The following AVL9 variants were observed in gnomAD, a reference collection of about 807,000 sequenced individuals.
AVL9 encodes the protein AVL9 cell migration associated, also known as late secretory pathway protein AVL9 homolog.
AVL9 carries 49 observed loss-of-function variants against 79.2 expected under a neutral mutation model. That is an observed-to-expected ratio of 0.62 (90% CI 0.49 to 0.79). AVL9 has a LOEUF of 0.79. Ranked by LOEUF, AVL9 falls within the 30% of genes least tolerant of loss-of-function variation. AVL9 has a pLI of 0.00. For missense variants in AVL9, 682 were observed against 776.8 expected (o/e 0.88, Z 1.45); for synonymous variants, 299 against 280.6 (o/e 1.07, Z -0.65).
In AVL9 at chr7:32,558,917, T is replaced by C; in HGVS notation, c.680-12T>C. The C allele has an allele frequency of 1.3e-6, 2 of 1,554,436 alleles. No homozygotes were observed. The highest frequency in any genetic ancestry group is 1.7e-6 in the Non-Finnish European group (2 of 1,154,690). ...TATAAGCCAAGCTGTTCTTTGATATTGCATATTTTAGGCATGATTGAACAT... is the reference window on the plus strand; with the variant it reads ...TATAAGCCAAGCTGTTCTTTGATATCGCATATTTTAGGCATGATTGAACAT... On this transcript the variant is annotated splice_polypyrimidine_tract_variant and intron_variant, in intron 9 of 15. Coordinates refer to ENST00000318709, the MANE Select transcript of AVL9 (RefSeq NM_015060.3).
chr7:32,496,522 C>T lies in AVL9; in HGVS notation c.93+720C>T, dbSNP rs1370364059. Among the ~76,000 whole-genome samples, 4 of 152,126 alleles carry T rather than the reference C, an allele frequency of 2.6e-5. No homozygotes were observed. The East Asian group carries it at 7.7e-4, about 29-fold the overall frequency. The stretch of plus-strand genomic sequence containing the variant: ...CCTCACTGAATCATTAATGCAGCAT[C>T]TGAAATGGAATATTTGCAATCTATG... On this transcript the variant is annotated intron_variant, in intron 1 of 15. Coordinates refer to ENST00000318709, the MANE Select transcript of AVL9 (RefSeq NM_015060.3).
chr7:32,498,022 A>G (rs1409698111), intron 1 of AVL9, among the ~76,000 whole-genome samples: 2 of 152,142 alleles, frequency 1.3e-5, no homozygotes, highest in Non-Finnish European at 2.9e-5. Context: ...GTAATTTGTA[A>G]CTTTTAAATA....
At chr7:32,516,697 G>C (rs896842113) in intron 1 of AVL9, among the ~76,000 whole-genome samples, 12 of 149,894 alleles carry the variant, frequency 8.0e-5, no homozygotes, top group Admixed American at 6.7e-4. Context: ...ATGACTCAGT[G>C]GATAACACGC....
intron 3 of AVL9, among the ~76,000 whole-genome samples, chr7:32,546,069 C>A (rs201215739): frequency 4.0e-5 from 4 of 99,042 alleles, no homozygotes; most frequent in African/African-American, 1.5e-4. Flanking sequence ...TACCTGGAGA[C>A]TTTTTTTTTT....
At chr7:32,514,203 G>A (rs1787811311) in intron 1 of AVL9, among the ~76,000 whole-genome samples, 1 of 152,066 alleles carries the variant, frequency 6.6e-6, no homozygotes, top group Non-Finnish European at 1.5e-5. Flanking sequence ...GGGCTGTAAG[G>A]TCTTTCCCTT....
intron 1 of AVL9, chr7:32,535,772 C>T (rs1469581288): frequency 6.6e-6 from 1 of 152,190 alleles, no homozygotes; most frequent in Non-Finnish European, 1.5e-5. Context: ...TGTCCCCACC[C>T]AGAATCTCAT....
intron 1 of AVL9, among the ~76,000 whole-genome samples, chr7:32,520,215 T>C (rs899932682): frequency 3.3e-5 from 5 of 152,182 alleles, no homozygotes; most frequent in African/African-American, 7.2e-5. Flanking sequence ...AGTTGATGCA[T>C]GGGAAGGATT....
intron 11 of AVL9, among the ~76,000 whole-genome samples, chr7:32,571,118 G>C (rs1790822293): frequency 6.7e-6 from 1 of 150,102 alleles, no homozygotes; most frequent in Non-Finnish European, 1.5e-5. Flanking sequence ...TGTAGTCCCA[G>C]CTACTCGGGA....
At chr7:32,552,374 G>C in intron 6 of AVL9, 79 bp downstream of exon 6, 1 of 825,736 alleles carries the variant, frequency 1.2e-6, no homozygotes, top group East Asian at 2.6e-5. Context: ...GTAAAACTTT[G>C]ATTAGAATTA....
chr7:32,495,542 G>T lies in AVL9; in HGVS notation c.-168G>T. 2.4e-6 allele frequency: 1 copy of T among 411,884 alleles called. No individual in the cohort carries two copies. Among genetic ancestry groups the T allele is most frequent in the Non-Finnish European group, 4.3e-6 (1 of 233,098 alleles). The allele number at this position is 411,884 out of a possible 1,614,324, so 25.5% of individuals were successfully genotyped here. ...AAGCGGATGAGGGAAGGGCGGCCGT[G>T]GCCCTGGGGGCGGCGGGAGCTGCTT... On this transcript the variant is annotated 5_prime_UTR_variant, in exon 1 of 16. Coordinates refer to ENST00000318709, the MANE Select transcript of AVL9 (RefSeq NM_015060.3).
intron 10 of AVL9, among the ~76,000 whole-genome samples, chr7:32,562,183 T>C (rs1231016938): frequency 6.6e-6 from 1 of 152,192 alleles, no homozygotes; most frequent in East Asian, 1.9e-4. Flanking sequence ...ACTTGATGTT[T>C]GCAGGGCTGC....
At position 32,586,467 on chromosome 7, in the gene AVL9, C is replaced by CCT. The variant is rs1562808626; in HGVS notation, c.*2561_*2562insTC. 1 of 45,996 alleles carries CCT rather than the reference C, an allele frequency of 2.2e-5. No individual in the cohort carries two copies. The highest frequency in any genetic ancestry group is 4.6e-5 in the Non-Finnish European group (1 of 21,624). 2.8% of individuals were successfully genotyped at this position (45,996 alleles called of 1,614,324 possible). On this transcript the variant is annotated 3_prime_UTR_variant, in exon 16 of 16. Coordinates refer to ENST00000318709, the MANE Select transcript of AVL9 (RefSeq NM_015060.3). The stretch of plus-strand genomic sequence containing the variant: ...CCTCACCCCTGGTCCTGTGACCCCC[C>CCT]CCCCCCACACACACACATACTTCAG...
At chr7:32,578,868 A>G (rs1004937846) in intron 13 of AVL9, among the ~76,000 whole-genome samples, 1 of 152,136 alleles carries the variant, frequency 6.6e-6, no homozygotes, top group East Asian at 1.9e-4. Flanking sequence ...AAATATTTCA[A>G]ACTAATTATA....
chr7:32,583,713 TATTA>T, intron 15 of AVL9, 75 bp from the exon 16 acceptor site: 1 of 843,158 alleles, frequency 1.2e-6, no homozygotes, highest in Non-Finnish European at 1.9e-6. Flanking sequence ...ATTAAAAATG[TATTA>T]ATTATGTTGG....
chr7:32,495,912 G>A (rs1325101979), intron 1 of AVL9, 110 bp downstream of exon 1: 2 of 658,260 alleles, frequency 3.0e-6, no homozygotes, highest in Admixed American at 8.7e-5. Flanking sequence ...CCTCCCCACA[G>A]CGCCTGCGAC....
At chr7:32,513,929 G>A (rs911908898) in intron 1 of AVL9, among the ~76,000 whole-genome samples, 2 of 152,160 alleles carry the variant, frequency 1.3e-5, no homozygotes, top group Non-Finnish European at 2.9e-5. Flanking sequence ...TGTGCACATA[G>A]GCTAGTTTTA....
intron 2 of AVL9, among the ~76,000 whole-genome samples, chr7:32,544,044 C>T (rs1470241987): frequency 6.6e-6 from 1 of 152,006 alleles, no homozygotes; most frequent in Non-Finnish European, 1.5e-5. Flanking sequence ...TAGACGTGAG[C>T]CACTATGCCT....
Position 32,584,779 on chromosome 7 carries a change from G to C in AVL9, c.*872G>C, listed in dbSNP as rs1374373400. The C allele has an allele frequency of 4.0e-5, 2 of 49,682 alleles. No individual in the cohort carries two copies. Among genetic ancestry groups the C allele is most frequent in the Non-Finnish European group, 8.5e-5 (2 of 23,508 alleles). 3.1% of individuals were successfully genotyped at this position (49,682 alleles called of 1,614,324 possible). On this transcript the variant is annotated 3_prime_UTR_variant, in exon 16 of 16. Coordinates refer to ENST00000318709, the MANE Select transcript of AVL9 (RefSeq NM_015060.3). ...ATCTGTTTCTCTTTTTTTTTTTGGG[G>C]GGGGGGGGGGGGCGGGGTCTCACTC...
In AVL9 at chr7:32,587,202, A is replaced by C. The variant is rs1791836804; in HGVS notation, c.*3295A>C. On this transcript the variant is annotated 3_prime_UTR_variant, in exon 16 of 16. Coordinates refer to ENST00000318709, the MANE Select transcript of AVL9 (RefSeq NM_015060.3). ...CAAATTAGGAAGAGAGAGAAGTGAG[A>C]AATTGTTGCATGGCTGAGGAACAAG... 6.6e-6 allele frequency: 1 copy of C among 152,256 alleles called. No individual in the cohort carries two copies. The highest frequency in any genetic ancestry group is 6.5e-5 in the Admixed American group (1 of 15,280). The allele number at this position is 152,256 out of a possible 1,614,324, so 9.4% of individuals were successfully genotyped here.
Sources: gnomAD v4.1 joint callset for allele counts (sites outside exome capture counted in the v4.1 genomes callset) on GRCh38, gnomAD v4.1.1 for gene constraint, MANE v1.5 for transcripts, NCBI Gene and HGNC (gene_info 2026-07-23, HGNC 2026-07-21) for gene names.